Variants in LDB3 observed in about 807,000 individuals in gnomAD.
LDB3 encodes LIM domain binding 3.
In LDB3, 49 loss-of-function variants were observed where a neutral mutation model predicts 69.0. That is an observed-to-expected ratio of 0.71 (90% CI 0.56 to 0.90). The LOEUF (loss-of-function observed/expected upper bound fraction) is 0.90, where lower values mean the gene tolerates loss of function less well. Ranked by LOEUF, LDB3 falls within the 40% of genes least tolerant of loss-of-function variation. The probability of loss-of-function intolerance (pLI) is 0.00; values close to 1 mark genes in which losing one functional copy is unlikely to be tolerated. For missense variants in LDB3, 928 were observed against 974.1 expected (o/e 0.95, Z 0.63); for synonymous variants, 387 against 396.2 (o/e 0.98, Z 0.28).
At chr10:86,670,308 GC>G (rs1051687610) in intron 2 of LDB3, among the ~76,000 whole-genome samples, 8 of 152,152 alleles carry the variant, frequency 5.3e-5, no homozygotes, top group South Asian at 2.1e-4. Flanking sequence ...TGACCTGTGA[GC>G]ATGTGAGCCC....
chr10:86,734,162 G>C lies in LDB3; in HGVS notation c.*1186G>C, dbSNP rs1240941541. On this transcript the variant is annotated 3_prime_UTR_variant, in exon 14 of 14. Coordinates refer to ENST00000361373, the MANE Select transcript of LDB3 (RefSeq NM_007078.3). ...CTGAGTTTGTACAATTGTGTTAACT[G>C]CTGGAAGGGACAGATGCACTGATAT... 1 of 152,224 alleles carries C rather than the reference G, an allele frequency of 6.6e-6. No homozygotes were observed. Among genetic ancestry groups the C allele is most frequent in the Admixed American group, 6.5e-5 (1 of 15,282 alleles). The allele number at this position is 152,224 out of a possible 1,614,324, so 9.4% of individuals were successfully genotyped here. A position where few individuals can be genotyped will look rare whatever the true frequency, so the allele number is the denominator to read the frequency against.
chr10:86,708,532 C>T (rs1846527948), intron 8 of LDB3, among the ~76,000 whole-genome samples: 1 of 152,172 alleles, frequency 6.6e-6, no homozygotes, highest in South Asian at 2.1e-4. Flanking sequence ...AAGACCACTG[C>T]ACCTTGGCCC....
At chr10:86,728,378 A>AAG (rs1351376556) in intron 13 of LDB3, among the ~76,000 whole-genome samples, 19 of 152,280 alleles carry the variant, frequency 1.2e-4, no homozygotes, top group Middle Eastern at 3.4e-3. Context: ...GCAAAAGTCC[A>AAG]AGAGAGAGAC....
At chr10:86,691,860 C>T in intron 5 of LDB3, 36 bp from the exon 6 acceptor site, 1 of 1,613,064 alleles carries the variant, frequency 6.2e-7, no homozygotes, top group African/African-American at 1.3e-5. Flanking sequence ...TGGGCTCCAG[C>T]CTAGCCCTCG....
intron 2 of LDB3, among the ~76,000 whole-genome samples, chr10:86,669,740 G>A (rs143444892): frequency 1.3e-5 from 2 of 152,374 alleles, no homozygotes; most frequent in Admixed American, 1.3e-4. Flanking sequence ...AACCCTGCCT[G>A]GTGGCTGAGC....
intron 3 of LDB3, 23 bp downstream of exon 3, chr10:86,679,541 AG>A (rs751365632): frequency 1.1e-5 from 18 of 1,613,044 alleles, no homozygotes; most frequent in East Asian, 6.7e-5. Context: ...TCTCCAGAGC[AG>A]GGGGCGGAGG....
chr10:86,713,806 C>T (rs556167829), intron 9 of LDB3, among the ~76,000 whole-genome samples: 1 of 152,314 alleles, frequency 6.6e-6, no homozygotes, highest in East Asian at 1.9e-4. Context: ...CACTATGTCA[C>T]CCCAGCAGGT....
chr10:86,717,847 A>T (rs1053436227), intron 10 of LDB3, 117 bp from the exon 11 acceptor site: 1 of 922,044 alleles, frequency 1.1e-6, no homozygotes, highest in African/African-American at 1.6e-5. Context: ...ACTTCATCAG[A>T]ACAGTCACAA....
intron 4 of LDB3, among the ~76,000 whole-genome samples, 196 bp from the exon 5 acceptor site, chr10:86,681,240 G>A (rs1845103324): frequency 6.6e-6 from 1 of 152,266 alleles, no homozygotes; most frequent in Non-Finnish European, 1.5e-5. Context: ...CCAGCCTCAC[G>A]CCAGGCCAGG....
intron 9 of LDB3, among the ~76,000 whole-genome samples, chr10:86,711,313 C>T (rs1030696602): frequency 6.6e-6 from 1 of 152,086 alleles, no homozygotes; most frequent in Non-Finnish European, 1.5e-5. Context: ...CCTGCGTCTC[C>T]TTCCTCCTCC....
chr10:86,667,751 A>G (rs1412266556), upstream of LDB3, among the ~76,000 whole-genome samples: 2 of 152,154 alleles, frequency 1.3e-5, no homozygotes, highest in Non-Finnish European at 1.5e-5. Context: ...TCTGGAGGGG[A>G]TGGGCCTGCC....
chr10:86,690,408 C>G (rs1307809850), intron 5 of LDB3, among the ~76,000 whole-genome samples: 1 of 152,266 alleles, frequency 6.6e-6, no homozygotes, highest in Non-Finnish European at 1.5e-5. Context: ...CAGCTGCAGG[C>G]TCCTCCCTGG....
In LDB3 at chr10:86,674,988, AC is replaced by A. The variant is rs1844706750; in HGVS notation, c.94-4374del. On this transcript the variant is annotated intron_variant, in intron 2 of 13. Transcript: ENST00000361373. ...CACCTCCCTAGAGGAGGATATCAGC[AC>A]CCCCAGCCCCCACCCTGAGGGATGT... Among the ~76,000 whole-genome samples, 3 of 151,582 alleles carry A rather than the reference AC, an allele frequency of 2.0e-5. No individual in the cohort carries two copies. The South Asian group carries it at 6.3e-4, about 32-fold the overall frequency.
chr10:86,728,589 T>TTTTTTTTTTGTTTTTG (rs1554868937), intron 13 of LDB3, among the ~76,000 whole-genome samples: 5 of 148,822 alleles, frequency 3.4e-5, no homozygotes, highest in African/African-American at 1.2e-4. Flanking sequence ...TTCTTTTGTT[T>TTTTTTTTTTGTTTTTG]TTTTTTTTTT....
intron 5 of LDB3, among the ~76,000 whole-genome samples, chr10:86,684,763 C>A (rs982910857): frequency 6.6e-6 from 1 of 152,234 alleles, no homozygotes; most frequent in African/African-American, 2.4e-5. Flanking sequence ...AAGAAGGTGG[C>A]AGAGTTTGGG....
intron 2 of LDB3, among the ~76,000 whole-genome samples, chr10:86,672,859 C>T (rs529340300): frequency 1.3e-4 from 20 of 152,354 alleles, no homozygotes; most frequent in African/African-American, 3.8e-4. Context: ...CATAAGCAGC[C>T]CCAGGGCTCC....
At chr10:86,725,454 A>T (rs759982935) in intron 12 of LDB3, among the ~76,000 whole-genome samples, 97 of 152,340 alleles carry the variant, frequency 6.4e-4, no homozygotes, top group Admixed American at 2.4e-3. Context: ...TATGTTTTGG[A>T]TATTGACTGT....
chr10:86,707,479 A>G (rs1035715469), intron 8 of LDB3, among the ~76,000 whole-genome samples: 25 of 152,202 alleles, frequency 1.6e-4, no homozygotes, highest in African/African-American at 6.0e-4. Flanking sequence ...ACCAAAGGCC[A>G]GGGGAGAAGA....
intron 5 of LDB3, among the ~76,000 whole-genome samples, chr10:86,689,002 T>C (rs537981196): frequency 1.3e-5 from 2 of 152,226 alleles, no homozygotes; most frequent in East Asian, 3.9e-4. Context: ...CTCCTCTTCC[T>C]TTTAACGCAG....
Sources: allele counts gnomAD v4.1 joint callset (sites outside exome capture counted in the v4.1 genomes callset), GRCh38; gene constraint gnomAD v4.1.1; transcripts MANE v1.5; gene names NCBI Gene and HGNC (gene_info 2026-07-23, HGNC 2026-07-21).